GPC5: variants seen among roughly 807,000 people sequenced by gnomAD.
The protein encoded by GPC5 is glypican-5.
Under a neutral mutation model 53.9 loss-of-function variants are expected in GPC5, and 47 were observed. The observed-to-expected ratio is 0.87, with a 90% CI of 0.69 to 1.11. The LOEUF is 1.11. Ranked by LOEUF, GPC5 falls within the 50% of genes most tolerant of loss-of-function variation. GPC5 has a pLI of 0.00. For synonymous variants in GPC5, 286 were observed against 263.3 expected (o/e 1.09, Z -0.84); for missense variants, 748 against 713.1 (o/e 1.05, Z -0.56).
intron 7 of GPC5, among the ~76,000 whole-genome samples, chr13:92,586,311 G>T (rs1482641647): frequency 6.6e-6 from 1 of 152,196 alleles, no homozygotes; most frequent in Non-Finnish European, 1.5e-5. Flanking sequence ...CATAGCATGT[G>T]CAGATATCCA....
intron 7 of GPC5, among the ~76,000 whole-genome samples, chr13:92,376,983 C>G (rs2139301385): frequency 6.6e-6 from 1 of 151,766 alleles, no homozygotes; most frequent in South Asian, 2.1e-4. Flanking sequence ...CCACTGCACT[C>G]CAGCCTGGGT....
At chr13:92,192,276 A>C (rs1256269228) in intron 7 of GPC5, among the ~76,000 whole-genome samples, 1 of 152,170 alleles carries the variant, frequency 6.6e-6, no homozygotes, top group Non-Finnish European at 1.5e-5. Context: ...CATTTATTAA[A>C]ACAAATATAC....
At chr13:91,892,212 T>C (rs975227424) in intron 5 of GPC5, among the ~76,000 whole-genome samples, 4 of 151,924 alleles carry the variant, frequency 2.6e-5, no homozygotes, top group Non-Finnish European at 4.4e-5. Flanking sequence ...TATCTAGTCA[T>C]TTTACTTCAG....
At chr13:92,247,013 G>T (rs565384021) in intron 7 of GPC5, among the ~76,000 whole-genome samples, 77 of 152,072 alleles carry the variant, frequency 5.1e-4, no homozygotes, top group Non-Finnish European at 1.0e-3. Flanking sequence ...CTCCCACAAG[G>T]ACAATGGTTG....
chr13:91,798,187 C>A (rs772775503), intron 5 of GPC5, among the ~76,000 whole-genome samples: 1 of 152,166 alleles, frequency 6.6e-6, no homozygotes, highest in East Asian at 1.9e-4. Flanking sequence ...TTCTCTTCAA[C>A]TTTTAATTTA....
intron 6 of GPC5, among the ~76,000 whole-genome samples, chr13:91,953,101 GA>G (rs1280750040): frequency 8.5e-5 from 13 of 152,110 alleles, no homozygotes; most frequent in African/African-American, 2.9e-4. Context: ...ATGGGATGAG[GA>G]AAATTAAATG....
chr13:92,347,092 T>C (rs2139258745), intron 7 of GPC5, among the ~76,000 whole-genome samples: 1 of 151,842 alleles, frequency 6.6e-6, no homozygotes, highest in South Asian at 2.1e-4. Flanking sequence ...TTGCAGAAGG[T>C]GAATAAAGAG....
At chr13:91,461,638 A>T (rs1471583322) in intron 2 of GPC5, among the ~76,000 whole-genome samples, 1 of 152,082 alleles carries the variant, frequency 6.6e-6, no homozygotes, top group African/African-American at 2.4e-5. Flanking sequence ...AACACTCAAC[A>T]TATATTAGCT....
At chr13:91,772,271 A>G (rs1165085821) in intron 5 of GPC5, among the ~76,000 whole-genome samples, 1 of 152,200 alleles carries the variant, frequency 6.6e-6, no homozygotes, top group East Asian at 1.9e-4. Flanking sequence ...ATAATCTTAG[A>G]AATTCATTGA....
chr13:92,282,372 A>G (rs1426678633), intron 7 of GPC5, among the ~76,000 whole-genome samples: 2 of 152,198 alleles, frequency 1.3e-5, no homozygotes, highest in East Asian at 1.9e-4. Flanking sequence ...GCAGGCCAAC[A>G]TTCAAATTCA....
intron 7 of GPC5, among the ~76,000 whole-genome samples, chr13:92,823,645 G>T (rs905022454): frequency 2.6e-5 from 4 of 151,944 alleles, no homozygotes; most frequent in African/African-American, 9.7e-5. Flanking sequence ...AACTCATATT[G>T]AAGTTTAACA....
chr13:92,501,953 A>G (rs995255521), intron 7 of GPC5, among the ~76,000 whole-genome samples: 18 of 152,116 alleles, frequency 1.2e-4, no homozygotes, highest in African/African-American at 4.3e-4. Flanking sequence ...AGAATTGCCA[A>G]AGGAAATTCT....
intron 7 of GPC5, among the ~76,000 whole-genome samples, chr13:92,766,462 T>C (rs1414125505): frequency 6.6e-6 from 1 of 152,252 alleles, no homozygotes; most frequent in African/African-American, 2.4e-5. Flanking sequence ...ATGTAGTGTC[T>C]ATCACCAATA....
chr13:92,115,343 C>T (rs1488568912), intron 6 of GPC5, among the ~76,000 whole-genome samples: 1 of 152,136 alleles, frequency 6.6e-6, no homozygotes, highest in Non-Finnish European at 1.5e-5. Context: ...CGCATCTCTA[C>T]TAAAAATACA....
chr13:91,990,690 C>T (rs1009277212), intron 6 of GPC5, among the ~76,000 whole-genome samples: 7 of 152,236 alleles, frequency 4.6e-5, no homozygotes, highest in Non-Finnish European at 5.9e-5. Context: ...GTGTATCATG[C>T]GCAATGCTGT....
chr13:91,440,498 T>G lies in GPC5; in HGVS notation c.164-8263T>G, dbSNP rs184579359. On this transcript the variant is annotated intron_variant, in intron 1 of 7. Coordinates refer to ENST00000377067, the MANE Select transcript of GPC5 (RefSeq NM_004466.6). ...AGAATCTCTGACCTATAATTTATTC[T>G]GAGTTTATGTTCTTTTACCTCATTG... is the stretch of plus-strand genomic sequence containing the variant. 6.6e-5 allele frequency among the ~76,000 whole-genome samples: 10 copies of G among 152,344 alleles called. No individual in the cohort carries two copies. In the East Asian group the frequency reaches 1.9e-3, roughly 29 times the overall value.
At chr13:91,730,722 C>G (rs1260929672) in intron 4 of GPC5, among the ~76,000 whole-genome samples, 1 of 152,170 alleles carries the variant, frequency 6.6e-6, no homozygotes, top group East Asian at 1.9e-4. Context: ...GATTAAAGCT[C>G]TTTTGGGCTA....
chr13:92,085,948 T>C (rs1057028804), intron 6 of GPC5, among the ~76,000 whole-genome samples: 3 of 152,204 alleles, frequency 2.0e-5, no homozygotes, highest in African/African-American at 4.8e-5. Flanking sequence ...TTTGCAGTCT[T>C]GTTCCTAACA....
chr13:91,820,985 AT>A (rs1308628351), intron 5 of GPC5, among the ~76,000 whole-genome samples: 1 of 146,418 alleles, frequency 6.8e-6, no homozygotes, highest in Non-Finnish European at 1.5e-5. Context: ...AACAAATAAA[AT>A]AAAAAAAAAA....
Sources: allele counts gnomAD v4.1 joint callset (sites outside exome capture counted in the v4.1 genomes callset), GRCh38; gene constraint gnomAD v4.1.1; transcripts MANE v1.5; gene names NCBI Gene and HGNC (gene_info 2026-07-23, HGNC 2026-07-21).